WDR35: variants seen among roughly 807,000 people sequenced by gnomAD.
WDR35 encodes WD repeat domain 35, also known as WD repeat-containing protein 35.
WDR35 carries 118 observed loss-of-function variants against 158.3 expected under a neutral mutation model. The ratio of observed to expected loss-of-function variants is 0.75; its 90% CI spans 0.64 to 0.87. The LOEUF is 0.87. Among genes scored for constraint, WDR35 ranks in the 40% least tolerant of loss-of-function variants. The pLI, the probability that WDR35 is intolerant of heterozygous loss-of-function variation, is 0.00. For missense variants in WDR35, 1,263 were observed against 1,405.8 expected (o/e 0.90, Z 1.62); for synonymous variants, 448 against 476.1 (o/e 0.94, Z 0.77).
Position 19,947,035 on chromosome 2 carries a change from G to A in WDR35, c.1525-465C>T, listed in dbSNP as rs531176102. The stretch of plus-strand genomic sequence containing the variant: ...TCCTATAGTCATCTATCTGATACTA[G>A]TTTTTAGCAAAAGGAAAGATGATCT... On this transcript the variant is annotated intron_variant, in intron 14 of 26. Transcript: ENST00000281405. Among the ~76,000 whole-genome samples the A allele has an allele frequency of 2.0e-5, 3 of 152,266 alleles. No individual in the cohort carries two copies. In the East Asian group the frequency reaches 5.8e-4, roughly 29 times the overall value.
chr2:19,940,297 G>A (rs1670832995), intron 17 of WDR35, among the ~76,000 whole-genome samples: 1 of 152,002 alleles, frequency 6.6e-6, no homozygotes, highest in South Asian at 2.1e-4. Flanking sequence ...AGCCTGGGGG[G>A]CAGAGGCTAC....
intron 25 of WDR35, 37 bp downstream of exon 25, chr2:19,930,359 T>C (rs1479454452): frequency 6.2e-7 from 1 of 1,613,964 alleles, no homozygotes; most frequent in Non-Finnish European, 8.5e-7. Context: ...AATTTATAAT[T>C]TTCAGACATA....
In WDR35 at chr2:19,946,687, T is replaced by C. The variant is rs75326245; in HGVS notation, c.1525-117A>G. 609 of 881,814 alleles carry C rather than the reference T, an allele frequency of 6.9e-4. 2 individuals are homozygous for C. The African/African-American group carries it at 9.2e-3, about 13-fold the overall frequency. The allele number at this position is 881,814 out of a possible 1,614,324, so 54.6% of individuals were successfully genotyped here. ...AAAACCAAAGTGATGTCACAGCAAA[T>C]TCTCAATTCTGATAATGAATCATGT... On this transcript the variant is annotated intron_variant, in intron 14 of 26. Coordinates refer to ENST00000281405, the MANE Select transcript of WDR35 (RefSeq NM_020779.4).
intron 25 of WDR35, among the ~76,000 whole-genome samples, chr2:19,926,093 T>A (rs759532973): frequency 5.3e-5 from 8 of 152,132 alleles, no homozygotes; most frequent in Non-Finnish European, 1.0e-4. Flanking sequence ...TAAGAAAAAA[T>A]CAGGTAAATG....
rs2103398393 is a variant in WDR35 at position 19,932,350 on chromosome 2, G to A, written c.2756C>T (p.Thr919Ile). Residue 919 changes from threonine to isoleucine, a missense_variant, in exon 23 of 27, where the codon ACT (threonine) becomes ATT (isoleucine). By Grantham distance (89) the Thr-to-Ile change is moderately conservative (BLOSUM62 -1). Coordinates refer to ENST00000281405, the MANE Select transcript of WDR35 (RefSeq NM_020779.4). ...CCGATAGAGTTCTATGGCATCAAGA[G>A]TTTTATTCTTTTCCAGTAAATGAGA... ...YASHLLEKNK[T>I]LDAIELYRKA... is the part of the protein sequence containing the mutation. The A allele has an allele frequency of 6.2e-7, 1 of 1,613,264 alleles. No individual in the cohort carries two copies. The highest frequency in any genetic ancestry group is 8.5e-7 in the Non-Finnish European group (1 of 1,179,538).
intron 17 of WDR35, among the ~76,000 whole-genome samples, chr2:19,941,347 C>A (rs1377427062): frequency 6.6e-6 from 1 of 152,078 alleles, no homozygotes; most frequent in Non-Finnish European, 1.5e-5. Flanking sequence ...TATCTTAGAA[C>A]TAGAAAAAGG....
chr2:19,978,281 C>T (rs1185602951), intron 5 of WDR35, among the ~76,000 whole-genome samples: 1 of 151,894 alleles, frequency 6.6e-6, no homozygotes, highest in Non-Finnish European at 1.5e-5. Context: ...TACAGAGTTT[C>T]AAATTAAAAC....
chr2:19,926,931 G>A (rs1391932857), intron 25 of WDR35, among the ~76,000 whole-genome samples: 3 of 151,998 alleles, frequency 2.0e-5, no homozygotes, highest in Admixed American at 6.6e-5. Flanking sequence ...CAGCCATTTC[G>A]AGACTGACAC....
rs1024116316 is a variant in WDR35 at position 19,910,655 on chromosome 2, C to G, written c.*2903G>C. Reference sequence around the variant, plus strand: ...AATATACTACCTAATTCTGTTTATGCAACTTCTCACCAGGTAATTGTTTTT... The same window carrying G: ...AATATACTACCTAATTCTGTTTATGGAACTTCTCACCAGGTAATTGTTTTT... On this transcript the variant is annotated 3_prime_UTR_variant, in exon 27 of 27. Coordinates refer to ENST00000281405, the MANE Select transcript of WDR35 (RefSeq NM_020779.4). 6.6e-6 allele frequency: 1 copy of G among 152,196 alleles called. No homozygotes were observed. Among genetic ancestry groups the G allele is most frequent in the African/African-American group, 2.4e-5 (1 of 41,444 alleles). The allele number at this position is 152,196 out of a possible 1,614,324, so 9.4% of individuals were successfully genotyped here. A position where few individuals can be genotyped will look rare whatever the true frequency, so the allele number is the denominator to read the frequency against.
At chr2:19,979,799 ACACAC>A (rs925865154) in intron 4 of WDR35, among the ~76,000 whole-genome samples, 6 of 151,842 alleles carry the variant, frequency 4.0e-5, no homozygotes, top group Non-Finnish European at 8.8e-5. Flanking sequence ...ACACACACAC[ACACAC>A]ACTTTTTAAA....
At position 19,912,198 on chromosome 2, in the gene WDR35, A is replaced by T. The variant is rs921140672; in HGVS notation, c.*1360T>A. On this transcript the variant is annotated 3_prime_UTR_variant, in exon 27 of 27. Coordinates refer to ENST00000281405, the MANE Select transcript of WDR35 (RefSeq NM_020779.4). ...GCTTTCTCCTTGTTCCTCACTGTGTATTGCAAATTGGTTCAATAAACCAAT... is the reference window on the plus strand; with the variant it reads ...GCTTTCTCCTTGTTCCTCACTGTGTTTTGCAAATTGGTTCAATAAACCAAT... The T allele has an allele frequency of 1.3e-5, 2 of 152,184 alleles. No homozygotes were observed. Among genetic ancestry groups the T allele is most frequent in the Admixed American group, 1.3e-4 (2 of 15,278 alleles). 9.4% of individuals were successfully genotyped at this position (152,184 alleles called of 1,614,324 possible). A position where few individuals can be genotyped will look rare whatever the true frequency, so the allele number is the denominator to read the frequency against.
chr2:19,963,117 C>T lies in WDR35; in HGVS notation c.1195-2503G>A, dbSNP rs150383003. On this transcript the variant is annotated intron_variant, in intron 10 of 26. Coordinates refer to ENST00000281405, the MANE Select transcript of WDR35 (RefSeq NM_020779.4). ...AAATGACAAGTCTTTAGCTTTCTTT[C>T]ATTCCCTTTTCCACCCCACCCCTAC... 1.5e-4 allele frequency among the ~76,000 whole-genome samples: 23 copies of T among 152,310 alleles called. 1 individual carries two copies. In the East Asian group the frequency reaches 4.4e-3, roughly 29 times the overall value.
chr2:19,936,400 A>G, intron 19 of WDR35, 35 bp from the exon 20 acceptor site: 1 of 1,613,506 alleles, frequency 6.2e-7, no homozygotes, highest in Non-Finnish European at 8.5e-7. Context: ...TCATTCATCT[A>G]TTTGACAAAT....
chr2:19,956,058 G>A (rs764091960), intron 11 of WDR35, among the ~76,000 whole-genome samples: 32 of 152,150 alleles, frequency 2.1e-4, no homozygotes, highest in Non-Finnish European at 4.1e-4. Context: ...AAAGCCTCCA[G>A]GGTGCGCTCC....
chr2:19,922,519 TGAGAACAC>T (rs1670199517), intron 25 of WDR35, among the ~76,000 whole-genome samples: 3 of 131,058 alleles, frequency 2.3e-5, no homozygotes, highest in Non-Finnish European at 4.6e-5. Context: ...AGTCGAACAA[TGAGAACAC>T]ATGGACACAG....
At position 19,911,441 on chromosome 2, in the gene WDR35, G is replaced by A. The variant is rs1341513997; in HGVS notation, c.*2117C>T. The A allele has an allele frequency of 6.6e-6, 1 of 152,212 alleles. No homozygotes were observed. The highest frequency in any genetic ancestry group is 1.5e-5 in the Non-Finnish European group (1 of 68,056). The allele number at this position is 152,212 out of a possible 1,614,324, so 9.4% of individuals were successfully genotyped here. A position where few individuals can be genotyped will look rare whatever the true frequency, so the allele number is the denominator to read the frequency against. On this transcript the variant is annotated 3_prime_UTR_variant, in exon 27 of 27. Coordinates refer to ENST00000281405, the MANE Select transcript of WDR35 (RefSeq NM_020779.4). ...CAACCCTGAACATTTCTCTTTCCTT[G>A]ATGAAGCAGAGAATAGTCTCATCCC...
chr2:19,930,419 C>T lies in WDR35; in HGVS notation c.3098G>A (p.Cys1033Tyr). ...ACCTGTCTTCAGTGCAGTGTCCACA[C>T]ATCCCTCATAGAGCTGCCTCTGTGC... is the stretch of plus-strand genomic sequence containing the variant. Reference protein sequence around the residue: ...ILAQRQLYEGCVDTALKTALH... With the variant: ...ILAQRQLYEGYVDTALKTALH... The change falls in exon 25 of 27, where the codon TGT (cysteine) becomes TAT (tyrosine). Residue 1033 changes from cysteine to tyrosine, a missense_variant. Cys to Tyr is a radical substitution (Grantham distance 194). Transcript: ENST00000281405. The T allele has an allele frequency of 1.2e-6, 2 of 1,614,178 alleles. No homozygotes were observed. Among genetic ancestry groups the T allele is most frequent in the Non-Finnish European group, 1.7e-6 (2 of 1,180,020 alleles).
Position 19,931,266 on chromosome 2 carries a change from T to C in WDR35, c.2964+3A>G. 1 of 1,613,044 alleles carries C rather than the reference T, an allele frequency of 6.2e-7. No individual in the cohort carries two copies. Reference sequence around the variant, plus strand: ...TGTAATGTTATTTAACGTGCTACTTTACCTCTGAACTTTTTCCTTTAACTT... The same window carrying C: ...TGTAATGTTATTTAACGTGCTACTTCACCTCTGAACTTTTTCCTTTAACTT... On this transcript the variant is annotated splice_donor_region_variant and intron_variant, in intron 24 of 26. Transcript: ENST00000281405.
In WDR35 at chr2:19,935,548, A is replaced by G. The variant is rs1361138552; in HGVS notation, c.2470T>C (p.Cys824Arg). The G allele has an allele frequency of 6.2e-7, 1 of 1,613,262 alleles. No individual in the cohort carries two copies. The highest frequency in any genetic ancestry group is 1.3e-5 in the African/African-American group (1 of 75,026). The change falls in exon 21 of 27, where the codon TGT (cysteine) becomes CGT (arginine). Residue 824 changes from cysteine (C) to arginine (R), a missense_variant. Cys to Arg is a radical substitution (Grantham distance 180, BLOSUM62 -3). Coordinates refer to ENST00000281405, the MANE Select transcript of WDR35 (RefSeq NM_020779.4). Reference protein sequence around the residue: ...QGRNQERLAECYYMLEDYEGL... With the variant: ...QGRNQERLAERYYMLEDYEGL... ...TCATAATCCTCTAACATATAGTAACATTCAGCTAAGCGTTCCTGGTTCCGT... is the reference window on the plus strand; with the variant it reads ...TCATAATCCTCTAACATATAGTAACGTTCAGCTAAGCGTTCCTGGTTCCGT...
Sources: allele counts gnomAD v4.1 joint callset (sites outside exome capture counted in the v4.1 genomes callset), GRCh38; gene constraint gnomAD v4.1.1; transcripts MANE v1.5; gene names NCBI Gene and HGNC (gene_info 2026-07-23, HGNC 2026-07-21).